The following WASF3 variants were observed in gnomAD, a reference collection of about 807,000 sequenced individuals.
WASF3 encodes the protein WASP family member 3, also known as actin-binding protein WASF3.
A neutral mutation model predicts 46.6 loss-of-function variants in WASF3; 11 were observed. That is an observed-to-expected ratio of 0.24 (90% CI 0.15 to 0.39). WASF3 has a LOEUF of 0.39. Ranked by LOEUF, WASF3 falls within the 10% of genes least tolerant of loss-of-function variation. The pLI, the probability that WASF3 is intolerant of heterozygous loss-of-function variation, is 1.00. For synonymous variants in WASF3, 242 were observed against 259.7 expected, an observed-to-expected ratio of 0.93 and a Z score of 0.65; for missense variants, 576 against 669.8, an observed-to-expected ratio of 0.86 and a Z score of 1.55.
rs899970688 is a variant in WASF3, at chr13:26,679,691, A to G, written c.717-1363A>G. 2.6e-5 allele frequency among the ~76,000 whole-genome samples: 4 copies of G among 152,300 alleles called. No homozygotes were observed. In the South Asian group the frequency reaches 6.2e-4, roughly 24 times the overall value. ...GGTTATAGGAATTTACATTTTTAAA[A>G]TACTCTAAATCTAAATACAGGTCAG... On this transcript the variant is annotated intron_variant, in intron 7 of 9. Transcript: ENST00000335327. The surrounding 1 kb of genome is among the most constrained non-coding windows in gnomAD (Gnocchi z 4.8).
chr13:26,645,519 T>C (rs1882124279), intron 3 of WASF3, among the ~76,000 whole-genome samples: 1 of 152,184 alleles, frequency 6.6e-6, no homozygotes, highest in Non-Finnish European at 1.5e-5. Context: ...TCATTCTTCT[T>C]TGTATTTCAT....
intron 5 of WASF3, among the ~76,000 whole-genome samples, 197 bp downstream of exon 5, chr13:26,667,867 C>T (rs640409): frequency 0.98 from 149,301 of 152,362 alleles, 73,220 homozygotes; most frequent in East Asian, 1. Flanking sequence ...ATTAAAGTTA[C>T]AGTATTTCAG....
At chr13:26,684,682 A>G (rs902782957) in intron 9 of WASF3, among the ~76,000 whole-genome samples, 3 of 152,156 alleles carry the variant, frequency 2.0e-5, no homozygotes, top group African/African-American at 4.8e-5. Context: ...GTAAAGGGAC[A>G]TTATATGCCA....
At chr13:26,601,469 C>G (rs1310171157) in intron 1 of WASF3, among the ~76,000 whole-genome samples, 1 of 152,150 alleles carries the variant, frequency 6.6e-6, no homozygotes, top group Non-Finnish European at 1.5e-5. Flanking sequence ...CATCTTGTCA[C>G]TGGAGTATGG....
intron 3 of WASF3, among the ~76,000 whole-genome samples, chr13:26,645,502 TATTC>T (rs1456791795): frequency 2.6e-5 from 4 of 152,186 alleles, no homozygotes; most frequent in African/African-American, 9.7e-5. Flanking sequence ...TATTAGTGTT[TATTC>T]ATTCATTCTT....
chr13:26,645,470 T>C (rs968465579), intron 3 of WASF3, among the ~76,000 whole-genome samples: 1 of 152,198 alleles, frequency 6.6e-6, no homozygotes, highest in Non-Finnish European at 1.5e-5. Flanking sequence ...TGATAGAATA[T>C]CAAAGTAGAT....
At chr13:26,598,729 G>A (rs1472886942) in intron 1 of WASF3, among the ~76,000 whole-genome samples, 2 of 152,222 alleles carry the variant, frequency 1.3e-5, no homozygotes, top group African/African-American at 2.4e-5. Context: ...CAAGCTGCCA[G>A]CTTCCTGAGT....
In WASF3 at chr13:26,574,326, G is replaced by A. The variant is rs576352999; in HGVS notation, c.-109+16507G>A. 8.0e-4 allele frequency among the ~76,000 whole-genome samples: 121 copies of A among 152,066 alleles called. 1 individual carries two copies. Among genetic ancestry groups the A allele is most frequent in the African/African-American group, 2.8e-3 (117 of 41,492 alleles). The stretch of plus-strand genomic sequence containing the variant: ...TATCAAGTAGTGTGTTTTATTTATG[G>A]TGTGTTTCTATTTATTTACTCTTGG... On this transcript the variant is annotated intron_variant, in intron 1 of 9. Coordinates refer to ENST00000335327, the MANE Select transcript of WASF3 (RefSeq NM_006646.6).
intron 2 of WASF3, among the ~76,000 whole-genome samples, chr13:26,623,892 C>T (rs1282213790): frequency 6.6e-6 from 1 of 152,186 alleles, no homozygotes; most frequent in African/African-American, 2.4e-5. Context: ...GACAGCAGCC[C>T]ATGGCTAGGG....
chr13:26,665,728 A>G (rs1882751146), intron 4 of WASF3, among the ~76,000 whole-genome samples: 1 of 152,204 alleles, frequency 6.6e-6, no homozygotes. Flanking sequence ...TCATTTGATG[A>G]TACACCCTGA....
chr13:26,588,984 G>A (rs970979455), intron 1 of WASF3, among the ~76,000 whole-genome samples: 2 of 151,896 alleles, frequency 1.3e-5, no homozygotes, highest in Non-Finnish European at 2.9e-5. Context: ...GGTAGAGATG[G>A]CGTTTCACCA....
intron 2 of WASF3, among the ~76,000 whole-genome samples, chr13:26,634,435 T>A (rs1384014822): frequency 6.6e-6 from 1 of 152,234 alleles, no homozygotes; most frequent in Non-Finnish European, 1.5e-5. Flanking sequence ...CTTGACTTTT[T>A]ATCCAGTTTG....
At chr13:26,635,203 C>G (rs1211933269) in intron 2 of WASF3, among the ~76,000 whole-genome samples, 1 of 152,010 alleles carries the variant, frequency 6.6e-6, no homozygotes, top group African/African-American at 2.4e-5. Context: ...CTTTTTTTCT[C>G]TAAACTTGTC....
chr13:26,653,421 A>C (rs1882373873), intron 3 of WASF3, among the ~76,000 whole-genome samples: 1 of 152,008 alleles, frequency 6.6e-6, no homozygotes, highest in African/African-American at 2.4e-5. Context: ...TATTTCCCAC[A>C]TTGTTTGTTG....
intron 2 of WASF3, among the ~76,000 whole-genome samples, chr13:26,623,240 CT>C (rs1387701795): frequency 6.6e-6 from 1 of 152,168 alleles, no homozygotes; most frequent in African/African-American, 2.4e-5. Context: ...CTTAAGAAAG[CT>C]TATGAGCAAG....
chr13:26,630,702 A>G (rs1190965823), intron 2 of WASF3, among the ~76,000 whole-genome samples: 4 of 152,042 alleles, frequency 2.6e-5, no homozygotes, highest in African/African-American at 9.7e-5. Flanking sequence ...GTCAAATGCT[A>G]TTTCTAGTTC....
intron 3 of WASF3, among the ~76,000 whole-genome samples, chr13:26,646,694 G>A (rs1012529889): frequency 6.6e-6 from 1 of 152,280 alleles, no homozygotes; most frequent in Non-Finnish European, 1.5e-5. Flanking sequence ...GTGCAACTTA[G>A]GGATTTGCCT....
At chr13:26,666,522 T>C (rs2137468958) in intron 4 of WASF3, among the ~76,000 whole-genome samples, 1 of 152,332 alleles carries the variant, frequency 6.6e-6, no homozygotes, top group East Asian at 1.9e-4. Context: ...GTTTTTGGAA[T>C]CTTAACATTT....
At chr13:26,554,872 T>C (rs1395288624), upstream of WASF3, among the ~76,000 whole-genome samples, 3 of 152,194 alleles carry the variant, frequency 2.0e-5, no homozygotes, top group Non-Finnish European at 4.4e-5. Context: ...TGTGGGCATG[T>C]TTTCAGCACA....
Sources: allele counts gnomAD v4.1 joint callset (sites outside exome capture counted in the v4.1 genomes callset), GRCh38; gene constraint gnomAD v4.1.1; non-coding constraint Gnocchi (gnomAD v3.1); transcripts MANE v1.5; gene names NCBI Gene and HGNC (gene_info 2026-07-23, HGNC 2026-07-21).